ROBO2: variants seen among roughly 807,000 people sequenced by gnomAD.
ROBO2 encodes roundabout guidance receptor 2, also known as roundabout homolog 2.
ROBO2 carries 53 observed loss-of-function variants against 160.8 expected under a neutral mutation model. That is an observed-to-expected ratio of 0.33 (90% CI 0.26 to 0.41). ROBO2 has a LOEUF of 0.41. ROBO2 is among the 10% of genes least tolerant of loss of function. The pLI is 1.00. For synonymous variants in ROBO2, 664 were observed against 611.7 expected (o/e 1.09, Z -1.26); for missense variants, 1,577 against 1,722.4 (o/e 0.92, Z 1.49).
At chr3:76,216,137 C>A (rs867986380) in intron 2 of ROBO2, among the ~76,000 whole-genome samples, 5 of 152,146 alleles carry the variant, frequency 3.3e-5, no homozygotes, top group African/African-American at 7.2e-5. Context: ...ACCAGGCCTG[C>A]CCTAAAAGAG....
chr3:76,749,398 G>A (rs906093017), intron 2 of ROBO2, among the ~76,000 whole-genome samples: 2 of 151,942 alleles, frequency 1.3e-5, no homozygotes, highest in African/African-American at 4.8e-5. Context: ...TATGGGACAT[G>A]AAATTATTTT....
intron 2 of ROBO2, among the ~76,000 whole-genome samples, chr3:76,667,928 A>C (rs1373413803): frequency 6.6e-6 from 1 of 152,186 alleles, no homozygotes; most frequent in African/African-American, 2.4e-5. Context: ...TGAAAAAAAA[A>C]CTATGTAAAA....
chr3:76,999,977 A>G (rs1400673377), intron 2 of ROBO2, among the ~76,000 whole-genome samples: 1 of 152,162 alleles, frequency 6.6e-6, no homozygotes, highest in Non-Finnish European at 1.5e-5. Context: ...GGTGTTCACC[A>G]CATGCTTCCT....
rs142382741 is a variant in ROBO2, at chr3:77,224,252, T to C, written c.388+125912T>C. Among the ~76,000 whole-genome samples the C allele has an allele frequency of 3.7e-3, 569 of 152,110 alleles. 3 individuals carry two copies. The highest frequency in any genetic ancestry group is 0.012 in the African/African-American group (490 of 41,568). ...TTGAACCTTGATCCAAATCTCTGAA[T>C]TTATTTACCATGTTGTCCCAATCGA... is the stretch of plus-strand genomic sequence containing the variant. On this transcript the variant is annotated intron_variant, in intron 2 of 25. Transcript: ENST00000461745.
At position 76,234,703 on chromosome 3, in the gene ROBO2, G is replaced by T. The variant is rs143762820; in HGVS notation, c.109+297101G>T. On this transcript the variant is annotated intron_variant, in intron 2 of 26. Transcript: ENST00000487694. ...AAAAATACCTTGATGTCTTTGGTCA[G>T]TCTATTTCAAATTTATGTATATTTG... Among the ~76,000 whole-genome samples the T allele has an allele frequency of 5.2e-3, 788 of 152,248 alleles. 16 individuals carry two copies. Among genetic ancestry groups the T allele is most frequent in the Admixed American group, 0.036 (555 of 15,290 alleles).
chr3:75,927,338 G>A (rs1947329732), intron 1 of ROBO2, among the ~76,000 whole-genome samples: 1 of 152,098 alleles, frequency 6.6e-6, no homozygotes, highest in Admixed American at 6.6e-5. Context: ...AAATAATGAG[G>A]TCTAGAATAA....
intron 2 of ROBO2, among the ~76,000 whole-genome samples, chr3:76,034,920 G>C (rs879582560): frequency 6.6e-6 from 1 of 152,072 alleles, no homozygotes; most frequent in Non-Finnish European, 1.5e-5. Context: ...GCTCTCTGTT[G>C]TATCTTCCTT....
rs113818483 is a variant in ROBO2, at chr3:77,230,346, A to G, written c.388+132006A>G. The stretch of plus-strand genomic sequence containing the variant: ...GGATCCTCCTCCCTTGGCCTCCTAA[A>G]TTGCTGGGATTACAGACGTGAGCCA... On this transcript the variant is annotated intron_variant, in intron 2 of 25. Coordinates refer to ENST00000461745, the Ensembl canonical transcript of ROBO2. 6.6e-4 allele frequency among the ~76,000 whole-genome samples: 101 copies of G among 152,112 alleles called. 2 individuals carry two copies. In the East Asian group the frequency reaches 0.019, roughly 29 times the overall value.
exon 2 of ROBO2, chr3:75,937,525 G>A: frequency 1.3e-6 from 2 of 1,578,304 alleles, no homozygotes; most frequent in East Asian, 2.3e-5. Context: ...GTCACTAGAA[G>A]GATGTGGACA....
chr3:77,456,212 T>C lies in ROBO2; in HGVS notation c.389-21202T>C, dbSNP rs192499819. ...GCTATATTATTTTGTACTTACAAAG[T>C]GAACTTTTTTATAAGTTGAAACAAC... On this transcript the variant is annotated intron_variant, in intron 2 of 25. Transcript: ENST00000461745. Among the ~76,000 whole-genome samples the C allele has an allele frequency of 2.8e-3, 421 of 152,320 alleles. 1 individual carries two copies. The highest frequency in any genetic ancestry group is 0.012 in the South Asian group (56 of 4,822).
At chr3:76,811,129 A>C (rs897169666) in intron 2 of ROBO2, among the ~76,000 whole-genome samples, 4 of 152,138 alleles carry the variant, frequency 2.6e-5, no homozygotes, top group Non-Finnish European at 5.9e-5. Flanking sequence ...TATAATATTC[A>C]AAGTTTGGGA....
intron 1 of ROBO2, among the ~76,000 whole-genome samples, chr3:77,060,681 A>G (rs1430682398): frequency 6.6e-6 from 1 of 152,212 alleles, no homozygotes; most frequent in Non-Finnish European, 1.5e-5. Context: ...AAGTGTCATC[A>G]GTCACTACCC....
At chr3:77,481,387 G>A (rs900203380) in intron 4 of ROBO2, among the ~76,000 whole-genome samples, 168 bp downstream of exon 4, 8 of 152,020 alleles carry the variant, frequency 5.3e-5, no homozygotes, top group Admixed American at 3.9e-4. Flanking sequence ...TGAAAGCTTC[G>A]ATGTAAAGAA....
chr3:76,958,111 T>A (rs1400496893), intron 2 of ROBO2, among the ~76,000 whole-genome samples: 1 of 152,228 alleles, frequency 6.6e-6, no homozygotes, highest in African/African-American at 2.4e-5. Flanking sequence ...TTACTTTCTA[T>A]ATTTCCAAGG....
At chr3:75,925,863 C>A (rs1369447554) in intron 1 of ROBO2, among the ~76,000 whole-genome samples, 1 of 152,072 alleles carries the variant, frequency 6.6e-6, no homozygotes, top group African/African-American at 2.4e-5. Flanking sequence ...TTTTCCAGAG[C>A]CATAGGATTA....
At chr3:75,938,391 C>T (rs1485859448) in intron 2 of ROBO2, among the ~76,000 whole-genome samples, 1 of 151,950 alleles carries the variant, frequency 6.6e-6, no homozygotes, top group Non-Finnish European at 1.5e-5. Flanking sequence ...GTTGCCTGCT[C>T]AGATACAAAT....
At chr3:76,402,002 C>T (rs1488293057) in intron 2 of ROBO2, among the ~76,000 whole-genome samples, 1 of 151,468 alleles carries the variant, frequency 6.6e-6, no homozygotes, top group African/African-American at 2.4e-5. Context: ...TTTAGTTTAA[C>T]ACTAAGAAGA....
intron 2 of ROBO2, among the ~76,000 whole-genome samples, chr3:76,715,682 C>T (rs2093367960): frequency 1.3e-5 from 2 of 152,112 alleles, no homozygotes; most frequent in South Asian, 4.1e-4. Flanking sequence ...ATGAAAGAAA[C>T]CAAAATCTAT....
At chr3:76,893,720 G>T (rs1577308959) in intron 2 of ROBO2, among the ~76,000 whole-genome samples, 1 of 151,832 alleles carries the variant, frequency 6.6e-6, no homozygotes. Context: ...ATACATTATT[G>T]TTAAGTATAA....
Sources: allele counts gnomAD v4.1 joint callset (sites outside exome capture counted in the v4.1 genomes callset), GRCh38; gene constraint gnomAD v4.1.1; transcripts MANE v1.5; gene names NCBI Gene and HGNC (gene_info 2026-07-23, HGNC 2026-07-21).